Variants in IGSF11 observed in about 807,000 individuals in gnomAD.
The protein encoded by IGSF11 is immunoglobulin superfamily member 11, also known as CXADR like 1.
In IGSF11, 22 loss-of-function variants were observed where a neutral mutation model predicts 41.0. The observed-to-expected ratio is 0.54, with a 90% confidence interval of 0.38 to 0.77. The LOEUF (loss-of-function observed/expected upper bound fraction) is 0.77. IGSF11 is among the 30% of genes least tolerant of loss of function. IGSF11 has a pLI of 0.00. For synonymous variants in IGSF11, 219 were observed against 201.3 expected (o/e 1.09, Z -0.74); for missense variants, 444 against 530.8 (o/e 0.84, Z 1.61).
chr3:119,039,892 T>C (rs1188085020), intron 1 of IGSF11, among the ~76,000 whole-genome samples: 1 of 152,214 alleles, frequency 6.6e-6, no homozygotes, highest in African/African-American at 2.4e-5. Flanking sequence ...CTTAACCTAC[T>C]CCATCTTGCT....
intron 1 of IGSF11, among the ~76,000 whole-genome samples, chr3:118,957,282 C>T (rs943761878): frequency 5.3e-5 from 8 of 152,146 alleles, no homozygotes; most frequent in African/African-American, 1.7e-4. Flanking sequence ...CTTAGTCCAA[C>T]TACTCAAATG....
intron 1 of IGSF11, among the ~76,000 whole-genome samples, chr3:119,030,467 C>T (rs922972108): frequency 1.3e-5 from 2 of 152,140 alleles, no homozygotes; most frequent in African/African-American, 4.8e-5. Flanking sequence ...AAAACCATTA[C>T]AAATGCAAAC....
At chr3:119,059,124 T>C (rs1484201046) in intron 1 of IGSF11, among the ~76,000 whole-genome samples, 4 of 149,766 alleles carry the variant, frequency 2.7e-5, no homozygotes, top group African/African-American at 9.9e-5. Flanking sequence ...TAAAGTATAA[T>C]AATAATAAAA....
chr3:118,977,534 T>A (rs1211577040), intron 1 of IGSF11, among the ~76,000 whole-genome samples: 2 of 152,108 alleles, frequency 1.3e-5, no homozygotes, highest in Non-Finnish European at 2.9e-5. Flanking sequence ...TTCAAATAGA[T>A]CATCCAAGAG....
At chr3:119,124,718 G>A (rs1405161370) in intron 1 of IGSF11, among the ~76,000 whole-genome samples, 2 of 152,016 alleles carry the variant, frequency 1.3e-5, no homozygotes, top group South Asian at 2.1e-4. Context: ...GCGTTAAAGA[G>A]GAGCTAGAGA....
chr3:119,019,041 A>G (rs929882664), intron 1 of IGSF11, among the ~76,000 whole-genome samples: 1 of 152,230 alleles, frequency 6.6e-6, no homozygotes, highest in South Asian at 2.1e-4. Context: ...CAAGTGATGA[A>G]GCGAATAAAG....
rs977895345 is a variant in IGSF11 at position 118,978,463 on chromosome 3, C to A, written c.53-48188G>T. Among the ~76,000 whole-genome samples the A allele has an allele frequency of 2.0e-5, 3 of 152,320 alleles. No homozygotes were observed. In the South Asian group the frequency reaches 6.2e-4, roughly 32 times the overall value. ...CCGCCATCCATGCCTGGTACCTCAA[C>A]AATCCACCTGGAGGCAAAGAATAAG... On this transcript the variant is annotated intron_variant, in intron 1 of 6. Transcript: ENST00000393775.
At chr3:119,001,056 C>T (rs1427139737) in intron 1 of IGSF11, among the ~76,000 whole-genome samples, 1 of 152,088 alleles carries the variant, frequency 6.6e-6, no homozygotes, top group African/African-American at 2.4e-5. Flanking sequence ...AGCATGCTTC[C>T]ACCTCAGGAC....
At chr3:119,132,609 G>C (rs1210507136) in intron 1 of IGSF11, among the ~76,000 whole-genome samples, 1 of 151,840 alleles carries the variant, frequency 6.6e-6, no homozygotes, top group Non-Finnish European at 1.5e-5. Context: ...TTAGACTCCC[G>C]CATAATAATA....
intron 1 of IGSF11, among the ~76,000 whole-genome samples, chr3:119,018,866 G>C (rs2107709182): frequency 6.6e-6 from 1 of 152,334 alleles, no homozygotes; most frequent in South Asian, 2.1e-4. Flanking sequence ...AAGCTCATCA[G>C]AGCTGGCACT....
chr3:118,923,608 T>C (rs1162906510), intron 4 of IGSF11, among the ~76,000 whole-genome samples: 1 of 152,196 alleles, frequency 6.6e-6, no homozygotes, highest in Non-Finnish European at 1.5e-5. Context: ...CAGTGTTCCA[T>C]TATTGGAACG....
chr3:119,097,871 G>T lies in IGSF11; in HGVS notation c.49+7273C>A, dbSNP rs115358719. On this transcript the variant is annotated intron_variant, in intron 1 of 6. Transcript: ENST00000354673. ...AGTGGTGCAAACACAGCTTACTGCA[G>T]CTTCAATCTCCCAGGTTCAAGCGAT... is the stretch of plus-strand genomic sequence containing the variant. Among the ~76,000 whole-genome samples, 283 of 150,730 alleles carry T rather than the reference G, an allele frequency of 1.9e-3. 2 individuals are homozygous for T. The highest frequency in any genetic ancestry group is 6.3e-3 in the African/African-American group (258 of 41,080).
Position 118,930,108 on chromosome 3 carries a change from A to AT in IGSF11, c.216+3dup. 1 of 1,611,564 alleles carries AT rather than the reference A, an allele frequency of 6.2e-7. No homozygotes were observed. Among genetic ancestry groups the AT allele is most frequent in the Non-Finnish European group, 8.5e-7 (1 of 1,178,830 alleles). ...AGAGGTAGCACAGGATGCAACAGAA[A>AT]TACCTGTTCAGGTTGGTTGGCATTG... On this transcript the variant is annotated splice_donor_region_variant and intron_variant, in intron 2 of 6. Coordinates refer to ENST00000393775, the MANE Select transcript of IGSF11 (RefSeq NM_001015887.3).
intron 1 of IGSF11, among the ~76,000 whole-genome samples, chr3:119,022,525 A>T (rs984629935): frequency 6.6e-6 from 1 of 152,236 alleles, no homozygotes; most frequent in Non-Finnish European, 1.5e-5. Context: ...TGTGAATTAT[A>T]TCTCAATAAA....
At chr3:119,112,074 A>C (rs1215575598) in intron 1 of IGSF11, among the ~76,000 whole-genome samples, 1 of 152,180 alleles carries the variant, frequency 6.6e-6, no homozygotes, top group Non-Finnish European at 1.5e-5. Context: ...CAGTCTGCCC[A>C]TTCTCAGATC....
At chr3:118,941,418 T>C (rs1253464234) in intron 1 of IGSF11, among the ~76,000 whole-genome samples, 3 of 152,036 alleles carry the variant, frequency 2.0e-5, no homozygotes, top group Non-Finnish European at 4.4e-5. Context: ...TAAAACCACA[T>C]TGAGATAATA....
At chr3:118,964,790 C>G (rs1945561118) in intron 1 of IGSF11, among the ~76,000 whole-genome samples, 1 of 151,982 alleles carries the variant, frequency 6.6e-6, no homozygotes, top group Admixed American at 6.6e-5. Context: ...TATAGTCTAC[C>G]AAATCTAACA....
intron 3 of IGSF11, among the ~76,000 whole-genome samples, chr3:118,927,570 A>C (rs1942440172): frequency 6.6e-6 from 1 of 152,172 alleles, no homozygotes; most frequent in Non-Finnish European, 1.5e-5. Context: ...AGGCCGAGGG[A>C]AAATGACAAG....
rs143049821 is a variant in IGSF11 at position 119,095,079 on chromosome 3, T to C, written c.49+10065A>G. 1.8e-4 allele frequency among the ~76,000 whole-genome samples: 27 copies of C among 152,212 alleles called. No homozygotes were observed. The East Asian group carries it at 5.0e-3, about 28-fold the overall frequency. On this transcript the variant is annotated intron_variant, in intron 1 of 6. Coordinates refer to the IGSF11 transcript ENST00000354673. ...AAAGTTCAGGAAAAGTAATTTCACA[T>C]TGAAAAATGAGCTAAAGAAAAGTAT...
Sources: allele counts gnomAD v4.1 joint callset (sites outside exome capture counted in the v4.1 genomes callset), GRCh38; gene constraint gnomAD v4.1.1; transcripts MANE v1.5; gene names NCBI Gene and HGNC (gene_info 2026-07-23, HGNC 2026-07-21).